The following APLF variants were observed in gnomAD, a reference collection of about 807,000 sequenced individuals.
The protein encoded by APLF is aprataxin and PNKP like factor, also known as aprataxin and PNK-like factor.
Under a neutral mutation model 55.6 loss-of-function variants are expected in APLF, and 61 were observed. The observed-to-expected ratio is 1.10, with a 90% CI of 0.89 to 1.36. APLF has a LOEUF of 1.36. Among genes scored for constraint, APLF ranks in the 40% most tolerant of loss-of-function variants. APLF has a pLI of 0.00. For synonymous variants in APLF, 207 were observed against 214.8 expected (o/e 0.96, Z 0.32); for missense variants, 611 against 602.5 (o/e 1.01, Z -0.15).
intron 2 of APLF, among the ~76,000 whole-genome samples, chr2:68,501,063 A>G (rs560731017): frequency 1.3e-5 from 2 of 152,328 alleles, no homozygotes; most frequent in East Asian, 1.9e-4. Context: ...TTCTTATGCA[A>G]TCTTGTGTAT....
chr2:68,478,784 G>A lies in APLF; in HGVS notation c.96+10957G>A, dbSNP rs184169246. On this transcript the variant is annotated intron_variant, in intron 1 of 9. Transcript: ENST00000303795. ...AAGAGAAGTGAGCACTGGGATTTAA[G>A]GCAGGAAAGGATAGCCAGTTCTACT... 3.9e-5 allele frequency among the ~76,000 whole-genome samples: 6 copies of A among 152,256 alleles called. No individual in the cohort carries two copies. The East Asian group carries it at 1.2e-3, about 29-fold the overall frequency.
At chr2:68,469,670 A>G (rs796892151) in intron 1 of APLF, among the ~76,000 whole-genome samples, 6 of 152,276 alleles carry the variant, frequency 3.9e-5, no homozygotes, top group African/African-American at 1.2e-4. Flanking sequence ...TGACAGATGC[A>G]CTCGATTCTT....
At chr2:68,544,042 C>T (rs1003120542) in intron 7 of APLF, among the ~76,000 whole-genome samples, 8 of 146,330 alleles carry the variant, frequency 5.5e-5, no homozygotes, top group Non-Finnish European at 1.0e-4. Flanking sequence ...AGTGCAGTGG[C>T]ACAATCTTGG....
chr2:68,549,577 CTT>C (rs1037413152), intron 8 of APLF, among the ~76,000 whole-genome samples: 35 of 152,074 alleles, frequency 2.3e-4, no homozygotes, highest in Middle Eastern at 3.4e-3. Context: ...ATATGGGTGA[CTT>C]TTATTGAACA....
chr2:68,554,676 G>A lies in APLF; in HGVS notation c.1286+9364G>A, dbSNP rs1189535368. On this transcript the variant is annotated intron_variant, in intron 8 of 9. Coordinates refer to ENST00000303795, the MANE Select transcript of APLF (RefSeq NM_173545.3). Reference sequence around the variant, plus strand: ...TTGCAGCCATTATAATAGGGGTTGAGTTCTTGATTTGATTCTCAGCTTGAT... The same window carrying A: ...TTGCAGCCATTATAATAGGGGTTGAATTCTTGATTTGATTCTCAGCTTGAT... Among the ~76,000 whole-genome samples, 3 of 151,304 alleles carry A rather than the reference G, an allele frequency of 2.0e-5. No homozygotes were observed. In the East Asian group the frequency reaches 5.8e-4, roughly 29 times the overall value.
rs765899493 is a variant in APLF at position 68,580,119 on chromosome 2, T to G, written c.*2097T>G. The G allele has an allele frequency of 1.6e-5, 15 of 943,490 alleles. No homozygotes were observed. Among genetic ancestry groups the G allele is most frequent in the Non-Finnish European group, 1.9e-5 (15 of 791,742 alleles). The allele number at this position is 943,490 out of a possible 1,614,324, so 58.4% of individuals were successfully genotyped here. A position where few individuals can be genotyped will look rare whatever the true frequency, so the allele number is the denominator to read the frequency against. On this transcript the variant is annotated 3_prime_UTR_variant, in exon 10 of 10. Coordinates refer to ENST00000303795, the MANE Select transcript of APLF (RefSeq NM_173545.3). Reference sequence around the variant, plus strand: ...ACTTTCATAATCATCCTGAAGACACTTTTGAGTATAACTATTGTATAAATA... The same window carrying G: ...ACTTTCATAATCATCCTGAAGACACGTTTGAGTATAACTATTGTATAAATA...
At chr2:68,485,995 C>T (rs1199157451) in intron 1 of APLF, among the ~76,000 whole-genome samples, 3 of 151,698 alleles carry the variant, frequency 2.0e-5, no homozygotes, top group Non-Finnish European at 4.4e-5. Flanking sequence ...TTTTACTTTA[C>T]GTAGATTTGT....
At chr2:68,540,110 GT>G (rs1026753981) in intron 7 of APLF, among the ~76,000 whole-genome samples, 9 of 151,988 alleles carry the variant, frequency 5.9e-5, no homozygotes, top group African/African-American at 2.2e-4. Flanking sequence ...CATCATCTAG[GT>G]TTTAAGCCCC....
intron 6 of APLF, among the ~76,000 whole-genome samples, chr2:68,534,247 G>A (rs1403683462): frequency 6.6e-6 from 1 of 152,188 alleles, no homozygotes; most frequent in Admixed American, 6.5e-5. Flanking sequence ...TAGAGTTTGA[G>A]GAGCATAGAA....
At chr2:68,502,230 C>T (rs1440984531) in intron 2 of APLF, among the ~76,000 whole-genome samples, 1 of 152,062 alleles carries the variant, frequency 6.6e-6, no homozygotes, top group Non-Finnish European at 1.5e-5. Context: ...AACACATGGA[C>T]TTTGGGGGAC....
At chr2:68,518,760 A>T (rs1251993210) in intron 5 of APLF, among the ~76,000 whole-genome samples, 143 of 116,388 alleles carry the variant, frequency 1.2e-3, no homozygotes, top group Middle Eastern at 0.012. Context: ...TATATAATAA[A>T]ATATTAATAA....
chr2:68,469,823 A>T (rs940433984), intron 1 of APLF, among the ~76,000 whole-genome samples: 3 of 152,212 alleles, frequency 2.0e-5, no homozygotes, highest in Non-Finnish European at 4.4e-5. Context: ...TGGAATCGGA[A>T]ACGATTAATA....
intron 1 of APLF, 99 bp downstream of exon 1, chr2:68,467,926 T>C: frequency 1.1e-6 from 1 of 922,072 alleles, no homozygotes; most frequent in Non-Finnish European, 1.4e-6. Flanking sequence ...CCCACCGCAC[T>C]GGTCCGCCGG....
rs1018198563 is a variant in APLF at position 68,477,782 on chromosome 2, A to G, written c.96+9955A>G. Among the ~76,000 whole-genome samples, 11 of 152,274 alleles carry G rather than the reference A, an allele frequency of 7.2e-5. No homozygotes were observed. In the South Asian group the frequency reaches 1.5e-3, roughly 20 times the overall value. On this transcript the variant is annotated intron_variant, in intron 1 of 9. Coordinates refer to ENST00000303795, the MANE Select transcript of APLF (RefSeq NM_173545.3). ...GGAAGGCGAATGAGGCGCAAAGTCA[A>G]ACGTCTTACATGGCATCAGGCAAGA...
intron 1 of APLF, among the ~76,000 whole-genome samples, chr2:68,468,060 G>A (rs1436161758): frequency 6.6e-6 from 1 of 152,210 alleles, no homozygotes; most frequent in African/African-American, 2.4e-5. Flanking sequence ...CCAGGGATTG[G>A]CAAACTAGTG....
chr2:68,550,997 T>G (rs1342311971), intron 8 of APLF, among the ~76,000 whole-genome samples: 1 of 152,146 alleles, frequency 6.6e-6, no homozygotes, highest in African/African-American at 2.4e-5. Flanking sequence ...TCCTTTTCTT[T>G]TAGTTTTAAA....
chr2:68,568,455 T>G (rs1177297210), intron 9 of APLF: 5 of 302,564 alleles, frequency 1.7e-5, no homozygotes, highest in Non-Finnish European at 1.9e-5. Flanking sequence ...AAATATTCCC[T>G]TTATCTGAGC....
Position 68,579,900 on chromosome 2 carries a change from A to G in APLF, c.*1878A>G. Reference sequence around the variant, plus strand: ...ACAACTCTGTAAATATATTACAAACAATGCATTGTACACTTTCAAAGGGTA... The same window carrying G: ...ACAACTCTGTAAATATATTACAAACGATGCATTGTACACTTTCAAAGGGTA... On this transcript the variant is annotated 3_prime_UTR_variant, in exon 10 of 10. Coordinates refer to ENST00000303795, the MANE Select transcript of APLF (RefSeq NM_173545.3). 1 of 433,898 alleles carries G rather than the reference A, an allele frequency of 2.3e-6. No homozygotes were observed. Among genetic ancestry groups the G allele is most frequent in the Non-Finnish European group, 3.1e-6 (1 of 326,218 alleles). 26.9% of individuals were successfully genotyped at this position (433,898 alleles called of 1,614,324 possible).
rs763679726 is a variant in APLF, at chr2:68,513,575, A to G, written c.517A>G (p.Asn173Asp). ...TTTCCTAGGTGAAAATAGAGACTGCAATAAGCAGCAGCCAATCCTTGCCGA... is the reference window on the plus strand; with the variant it reads ...TTTCCTAGGTGAAAATAGAGACTGCGATAAGCAGCAGCCAATCCTTGCCGA... ...VSFLGENRDCNKQQPILAERK... is the reference protein window; with the variant it reads ...VSFLGENRDCDKQQPILAERK... The change falls in exon 5 of 10, where the codon AAT becomes GAT. Residue 173 changes from asparagine (N) to aspartate (D), a missense_variant. By Grantham distance (23) the Asn-to-Asp change is conservative. Transcript: ENST00000303795. The G allele has an allele frequency of 3.1e-6, 5 of 1,611,350 alleles. No individual in the cohort carries two copies. In the African/African-American group the frequency reaches 5.3e-5, roughly 17 times the overall value.
Sources: gnomAD v4.1 joint callset for allele counts (sites outside exome capture counted in the v4.1 genomes callset) on GRCh38, gnomAD v4.1.1 for gene constraint, MANE v1.5 for transcripts, NCBI Gene and HGNC (gene_info 2026-07-23, HGNC 2026-07-21) for gene names.